Variants in POU2F3 observed in about 807,000 individuals in gnomAD.
POU2F3 encodes the protein POU domain, class 2, transcription factor 3.
POU2F3 carries 23 observed loss-of-function variants against 59.2 expected under a neutral mutation model. The observed-to-expected ratio is 0.39, with a 90% CI of 0.28 to 0.55. The LOEUF is 0.55. Ranked by LOEUF, POU2F3 falls within the 20% of genes least tolerant of loss-of-function variation. The probability of loss-of-function intolerance (pLI) is 0.66; values close to 1 mark genes in which losing one functional copy is unlikely to be tolerated. For missense variants in POU2F3, 473 were observed against 544.5 expected (o/e 0.87, Z 1.31); for synonymous variants, 190 against 214.6 (o/e 0.89, Z 1.00).
chr11:120,293,398 C>T lies in POU2F3; in HGVS notation c.133-4867C>T, dbSNP rs926320824. ...TCACTTGAGAGGAGTTACCCATCTG[C>T]CCCATTCCACCACTTAGAATATATT... is the stretch of plus-strand genomic sequence containing the variant. On this transcript the variant is annotated intron_variant, in intron 3 of 12. Coordinates refer to ENST00000543440, the MANE Select transcript of POU2F3 (RefSeq NM_014352.4). Among the ~76,000 whole-genome samples, 6 of 152,300 alleles carry T rather than the reference C, an allele frequency of 3.9e-5. No individual in the cohort carries two copies. The East Asian group carries it at 5.8e-4, about 15-fold the overall frequency.
At chr11:120,306,619 G>T (rs528573293) in intron 8 of POU2F3, among the ~76,000 whole-genome samples, 1 of 151,034 alleles carries the variant, frequency 6.6e-6, no homozygotes, top group African/African-American at 2.5e-5. Context: ...AGTCCCCCCC[G>T]GTTGAGAACT....
rs186612517 is a variant in POU2F3, at chr11:120,292,608, T to C, written c.133-5657T>C. ...GTCAAAGAACCAGAGAGGGTAGCTC[T>C]GTCCTCTTTTCTACCAGGTAGGCCA... On this transcript the variant is annotated intron_variant, in intron 3 of 12. Transcript: ENST00000543440. 1.0e-3 allele frequency among the ~76,000 whole-genome samples: 156 copies of C among 152,362 alleles called. 1 individual carries two copies. Among genetic ancestry groups the C allele is most frequent in the African/African-American group, 3.5e-3 (144 of 41,594 alleles).
intron 3 of POU2F3, among the ~76,000 whole-genome samples, chr11:120,288,812 CACATGTATGTATTACATATGT>C (rs1253215866): frequency 4.0e-5 from 6 of 149,768 alleles, no homozygotes; most frequent in South Asian, 2.1e-4. Flanking sequence ...ATTACATACG[CACATGTATGTATTACATATGT>C]ACATGTATGT....
intron 2 of POU2F3, among the ~76,000 whole-genome samples, chr11:120,246,724 C>T (rs1463295407): frequency 6.6e-5 from 10 of 152,098 alleles, no homozygotes; most frequent in Non-Finnish European, 1.0e-4. Flanking sequence ...TGGAACAAAA[C>T]CTCTGGAATT....
At chr11:120,266,671 C>A (rs915918793) in intron 2 of POU2F3, among the ~76,000 whole-genome samples, 20 of 152,148 alleles carry the variant, frequency 1.3e-4, no homozygotes, top group Non-Finnish European at 2.9e-4. Context: ...TCACTTTGTT[C>A]AGAGAAAATG....
At chr11:120,237,337 T>C (rs1381045598), upstream of POU2F3, among the ~76,000 whole-genome samples, 1 of 152,112 alleles carries the variant, frequency 6.6e-6, no homozygotes, top group Non-Finnish European at 1.5e-5. Context: ...CCCAGCCCCT[T>C]CTGCCCCGTT....
At chr11:120,300,826 GT>G (rs1941329510) in intron 5 of POU2F3, 2 of 325,278 alleles carry the variant, frequency 6.1e-6, no homozygotes, top group Admixed American at 4.2e-5. Flanking sequence ...CCAAGTAGAG[GT>G]TTTGGAAATC....
rs563918366 is a variant in POU2F3, at chr11:120,300,480, T to G, written c.361+754T>G. On this transcript the variant is annotated intron_variant, in intron 5 of 12. Transcript: ENST00000543440. ...AGCTAGGGTCAAAAGTGATGGAGGG[T>G]TGGCCAGGCTCGGTGGCTCACGCCT... Among the ~76,000 whole-genome samples the G allele has an allele frequency of 3.3e-5, 5 of 150,828 alleles. No individual in the cohort carries two copies. In the East Asian group the frequency reaches 9.8e-4, roughly 29 times the overall value.
Position 120,274,088 on chromosome 11 carries a change from A to AAAGG in POU2F3, c.132+4860_132+4863dup, listed in dbSNP as rs1304930734. 2.2e-3 allele frequency among the ~76,000 whole-genome samples: 210 copies of AAAGG among 95,606 alleles called. 3 individuals carry two copies. Among genetic ancestry groups the AAAGG allele is most frequent in the African/African-American group, 8.2e-3 (195 of 23,802 alleles). The allele number at this position is 95,606 out of a possible 152,430, so 62.7% of individuals were successfully genotyped here. A position where few individuals can be genotyped will look rare whatever the true frequency, so the allele number is the denominator to read the frequency against. Reference sequence around the variant, plus strand: ...GAGAAAGAAAGAAAAAGAGAGAAAGAAAGGAAGGAAGGAAGGAAGAAAGGA... The same window carrying AAAGG: ...GAGAAAGAAAGAAAAAGAGAGAAAGAAAGGAAGGAAGGAAGGAAGGAAGAAAGGA... On this transcript the variant is annotated intron_variant, in intron 3 of 12. Coordinates refer to ENST00000543440, the MANE Select transcript of POU2F3 (RefSeq NM_014352.4).
chr11:120,308,225 G>A (rs1019085011), intron 9 of POU2F3, among the ~76,000 whole-genome samples: 2 of 152,268 alleles, frequency 1.3e-5, no homozygotes, highest in African/African-American at 4.8e-5. Context: ...TGTGAGCCCC[G>A]TGTGGGCTGG....
At chr11:120,301,720 C>G (rs1941352161) in intron 5 of POU2F3, 1 of 153,368 alleles carries the variant, frequency 6.5e-6, no homozygotes, top group Non-Finnish European at 1.4e-5. Flanking sequence ...TGGACTTTCC[C>G]TCCTCTCTCA....
Position 120,309,545 on chromosome 11 carries a change from G to C in POU2F3, c.1027G>C (p.Val343Leu). 6.2e-7 allele frequency: 1 copy of C among 1,614,090 alleles called. No individual in the cohort carries two copies. Among genetic ancestry groups the C allele is most frequent in the Non-Finnish European group, 8.5e-7 (1 of 1,180,012 alleles). Reference protein sequence around the residue: ...RQKEKRINCPVATPIKPPVYN... With the variant: ...RQKEKRINCPLATPIKPPVYN... ...AAAGGAGAAGCGAATCAACTGCCCT[G>C]TGGCCACACCCATCAAACCACCTGT... Residue 343 changes from valine (V) to leucine (L), a missense_variant, in exon 10 of 13, where the codon GTG becomes CTG. Transcript: ENST00000543440.
rs558389547 is a variant in POU2F3, at chr11:120,249,577, G to A, written c.97+3060G>A. 7.2e-5 allele frequency among the ~76,000 whole-genome samples: 11 copies of A among 152,288 alleles called. No individual in the cohort carries two copies. The South Asian group carries it at 2.3e-3, about 32-fold the overall frequency. ...CAATTATGTGGTTGATGAGAATATA[G>A]CCTTACCCATATTTCAAAAGCCCCC... On this transcript the variant is annotated intron_variant, in intron 2 of 12. Transcript: ENST00000543440.
chr11:120,242,508 T>G lies in POU2F3; in HGVS notation c.28+2137T>G, dbSNP rs12278553. On this transcript the variant is annotated intron_variant, in intron 1 of 12. Coordinates refer to ENST00000543440, the MANE Select transcript of POU2F3 (RefSeq NM_014352.4). ...CCAAGGTAATCCTGTATCCTACTGA[T>G]CTTGATAAATAGTACTTCTCCTGTG... is the stretch of plus-strand genomic sequence containing the variant. 9.6e-3 allele frequency among the ~76,000 whole-genome samples: 1,466 copies of G among 152,278 alleles called. 30 individuals are homozygous for G. Among genetic ancestry groups the G allele is most frequent in the African/African-American group, 0.034 (1,404 of 41,550 alleles).
intron 3 of POU2F3, among the ~76,000 whole-genome samples, chr11:120,292,433 G>A (rs1025521597): frequency 1.3e-5 from 2 of 152,150 alleles, no homozygotes; most frequent in African/African-American, 4.8e-5. Flanking sequence ...CCCAAGAACA[G>A]CCACTGGGCT....
chr11:120,316,573 A>G (rs571184658), intron 11 of POU2F3, among the ~76,000 whole-genome samples: 51 of 152,266 alleles, frequency 3.3e-4, no homozygotes, highest in African/African-American at 1.2e-3. Flanking sequence ...CTACAGGTGC[A>G]TGTCATCACA....
rs746608717 is a variant in POU2F3, at chr11:120,317,346, CCA to C, written c.1254_1255del (p.Ser419PhefsTer2). 1 of 1,614,172 alleles carries C rather than the reference CCA, an allele frequency of 6.2e-7. No individual in the cohort carries two copies. Among genetic ancestry groups the C allele is most frequent in the South Asian group, 1.1e-5 (1 of 91,086 alleles). ...TCCAAAGCAGCAGTGAACTCCGCCTCCAGTTTTAACTCTTCAGGGTAAGGTGA... is the reference window on the plus strand; with the variant it reads ...TCCAAAGCAGCAGTGAACTCCGCCTCGTTTTAACTCTTCAGGGTAAGGTGA... On this transcript the variant is annotated frameshift_variant, in exon 12 of 13. Transcript: ENST00000543440. LOFTEE classifies it high-confidence loss of function.
At chr11:120,266,842 A>G (rs910586588) in intron 2 of POU2F3, among the ~76,000 whole-genome samples, 1 of 152,230 alleles carries the variant, frequency 6.6e-6, no homozygotes, top group Non-Finnish European at 1.5e-5. Context: ...CTTCTCAACT[A>G]GAAAAGAAAC....
At position 120,307,544 on chromosome 11, in the gene POU2F3, G is replaced by C; in HGVS notation, c.835G>C (p.Gly279Arg). 2 of 1,614,178 alleles carry C rather than the reference G, an allele frequency of 1.2e-6. No individual in the cohort carries two copies. The highest frequency in any genetic ancestry group is 1.7e-6 in the Non-Finnish European group (2 of 1,180,038). Residue 279 changes from glycine to arginine, a missense_variant, in exon 9 of 13, where the codon GGT (glycine) becomes CGT (arginine). Gly to Arg is a moderately radical substitution (Grantham distance 125, BLOSUM62 -2). Transcript: ENST00000543440. ...CTACCCCAGCCTCAGTGAAGTATTTGGTAGGAAGAGAAAGAAACGGACCAG... is the reference window on the plus strand; with the variant it reads ...CTACCCCAGCCTCAGTGAAGTATTTCGTAGGAAGAGAAAGAAACGGACCAG... ...SSYPSLSEVF[G>R]RKRKKRTSIE...
Sources: allele counts gnomAD v4.1 joint callset (sites outside exome capture counted in the v4.1 genomes callset), GRCh38; gene constraint gnomAD v4.1.1; transcripts MANE v1.5; gene names NCBI Gene and HGNC (gene_info 2026-07-23, HGNC 2026-07-21).